Variants in ANO5 observed in about 807,000 individuals in gnomAD.
The protein encoded by ANO5 is anoctamin 5, also known as anoctamin-5.
ANO5 carries 109 observed loss-of-function variants against 121.0 expected under a neutral mutation model. That is an observed-to-expected ratio of 0.90 (90% CI 0.77 to 1.06). ANO5 has a LOEUF of 1.06. ANO5 is among the 50% of genes least tolerant of loss of function. The probability of loss-of-function intolerance (pLI) is 0.00; values close to 1 mark genes in which losing one functional copy is unlikely to be tolerated. For synonymous variants in ANO5, 406 were observed against 359.9 expected (o/e 1.13, Z -1.45); for missense variants, 1,064 against 1,078.5 (o/e 0.99, Z 0.19).
chr11:22,202,636 T>C (rs982880660), intron 1 of ANO5, among the ~76,000 whole-genome samples: 1 of 152,284 alleles, frequency 6.6e-6, no homozygotes, highest in Non-Finnish European at 1.5e-5. Flanking sequence ...TGTCTTCACA[T>C]GATGGAAGAG....
intron 11 of ANO5, 35 bp downstream of exon 11, chr11:22,250,881 G>A: frequency 6.2e-7 from 1 of 1,610,640 alleles, no homozygotes; most frequent in Non-Finnish European, 8.5e-7. Flanking sequence ...AAAAGACTTG[G>A]AATTTTCCTC....
At chr11:22,257,460 C>T (rs1854039818) in intron 13 of ANO5, among the ~76,000 whole-genome samples, 1 of 152,028 alleles carries the variant, frequency 6.6e-6, no homozygotes, top group South Asian at 2.1e-4. Flanking sequence ...TGTGTGTATC[C>T]ATTATGTTTC....
chr11:22,275,267 G>A (rs1227734713), intron 20 of ANO5, among the ~76,000 whole-genome samples: 2 of 151,536 alleles, frequency 1.3e-5, no homozygotes, highest in African/African-American at 2.4e-5. Context: ...TTTACACTCA[G>A]TGTATCATGT....
intron 2 of ANO5, among the ~76,000 whole-genome samples, chr11:22,204,887 C>G (rs1852063900): frequency 6.6e-6 from 1 of 151,964 alleles, no homozygotes; most frequent in Admixed American, 6.6e-5. Context: ...TTTTAAAGAC[C>G]CATGCATGTA....
intron 14 of ANO5, among the ~76,000 whole-genome samples, chr11:22,258,664 T>G (rs139507342): frequency 1.3e-5 from 2 of 152,344 alleles, no homozygotes; most frequent in East Asian, 3.9e-4. Flanking sequence ...TGAAATACAA[T>G]ATTGACATGT....
rs780789574 is a variant in ANO5 at position 22,239,577 on chromosome 11, T to C, written c.771T>C (p.Tyr257=). 3.1e-6 allele frequency: 5 copies of C among 1,611,350 alleles called. No homozygotes were observed. The highest frequency in any genetic ancestry group is 1.3e-5 in the African/African-American group (1 of 74,928). The change falls in exon 9 of 22, where the codon TAT becomes TAC. Residue 257 remains tyrosine, a synonymous_variant. Transcript: ENST00000324559. ...SSAYPLHDGQ[Y]WKPSEPPNPT... ...CTCTTGAATATCTGCAGGGCCAATA[T>C]TGGAAGCCATCAGAACCTCCCAATC...
chr11:22,258,211 G>A (rs1854067418), intron 14 of ANO5, among the ~76,000 whole-genome samples: 2 of 152,152 alleles, frequency 1.3e-5, no homozygotes, highest in Admixed American at 1.3e-4. Context: ...AGGTTAGTTA[G>A]CATGTTGAAA....
At chr11:22,256,356 C>G (rs1197504400) in intron 13 of ANO5, among the ~76,000 whole-genome samples, 1 of 152,186 alleles carries the variant, frequency 6.6e-6, no homozygotes. Context: ...ATTATTCTCG[C>G]AGTATAACAT....
chr11:22,226,290 A>T (rs1852829916), intron 6 of ANO5, among the ~76,000 whole-genome samples: 1 of 152,132 alleles, frequency 6.6e-6, no homozygotes, highest in Non-Finnish European at 1.5e-5. Context: ...CAGGATACAA[A>T]GAGAAAGAAG....
chr11:22,272,655 G>C lies in ANO5; in HGVS notation c.2030-129G>C. The C allele has an allele frequency of 4.7e-6, 4 of 852,702 alleles. No individual in the cohort carries two copies. The Admixed American group carries it at 8.2e-5, about 17-fold the overall frequency. 52.8% of individuals were successfully genotyped at this position (852,702 alleles called of 1,614,324 possible). ...GTGGTAGAGGAGGAACTGGACAGACGGATGGAAGCCTGGATTGTCGTATTC... is the reference window on the plus strand; with the variant it reads ...GTGGTAGAGGAGGAACTGGACAGACCGATGGAAGCCTGGATTGTCGTATTC... On this transcript the variant is annotated intron_variant, in intron 18 of 21. Transcript: ENST00000324559.
intron 17 of ANO5, among the ~76,000 whole-genome samples, chr11:22,269,483 GGAAAGAAAAAAGAAAAGGAA>G (rs1854520320): frequency 9.4e-5 from 1 of 10,592 alleles, no homozygotes; most frequent in East Asian, 1.0e-3. Context: ...AGAAAAGAAA[GGAAAGAAAAAAGAAAAGGAA>G]GGAAAGAAAA....
chr11:22,230,013 A>T (rs145153209), intron 7 of ANO5, among the ~76,000 whole-genome samples: 83 of 152,146 alleles, frequency 5.5e-4, no homozygotes, highest in African/African-American at 2.0e-3. Flanking sequence ...GAGCTTCACA[A>T]TATATAGTAA....
intron 8 of ANO5, among the ~76,000 whole-genome samples, chr11:22,238,039 T>G (rs1853285410): frequency 6.6e-6 from 1 of 152,198 alleles, no homozygotes; most frequent in African/African-American, 2.4e-5. Flanking sequence ...TGTGTGTGTA[T>G]GTGTTTACTG....
chr11:22,277,774 T>TAATC (rs1244043143), intron 21 of ANO5: 1 of 151,408 alleles, frequency 6.6e-6, no homozygotes, highest in Non-Finnish European at 1.5e-5. Flanking sequence ...TAATTTTTTG[T>TAATC]AATCATTGCA....
intron 1 of ANO5, among the ~76,000 whole-genome samples, chr11:22,201,380 C>A (rs1851958898): frequency 6.6e-6 from 1 of 152,134 alleles, no homozygotes; most frequent in Non-Finnish European, 1.5e-5. Flanking sequence ...AAAATTGAAA[C>A]CCTGACAAGT....
chr11:22,280,945 A>C lies in ANO5; in HGVS notation c.*1180A>C, dbSNP rs983311585. 5.9e-5 allele frequency: 9 copies of C among 152,044 alleles called. No homozygotes were observed. In the East Asian group the frequency reaches 1.7e-3, roughly 29 times the overall value. 9.4% of individuals were successfully genotyped at this position (152,044 alleles called of 1,614,324 possible). ...TTGAAAACCAAAAGTGAATCAACCA[A>C]CTAAGAATGAGTTCATGGACTTAAT... On this transcript the variant is annotated 3_prime_UTR_variant, in exon 22 of 22. Transcript: ENST00000324559.
chr11:22,279,401 G>A, intron 21 of ANO5, 143 bp from the exon 22 acceptor site: 1 of 682,670 alleles, frequency 1.5e-6, no homozygotes. Context: ...GAAAGTTCTA[G>A]GACAGAGACC....
At position 22,193,226 on chromosome 11, in the gene ANO5, C is replaced by G. The variant is rs1851701530; in HGVS notation, c.-267C>G. 11 of 1,345,874 alleles carry G rather than the reference C, an allele frequency of 8.2e-6. No individual in the cohort carries two copies. Among genetic ancestry groups the G allele is most frequent in the Non-Finnish European group, 1.1e-5 (11 of 1,042,354 alleles). 83.4% of individuals were successfully genotyped at this position (1,345,874 alleles called of 1,614,324 possible). A position where few individuals can be genotyped will look rare whatever the true frequency, so the allele number is the denominator to read the frequency against. On this transcript the variant is annotated 5_prime_UTR_variant, in exon 1 of 22. Coordinates refer to ENST00000324559, the MANE Select transcript of ANO5 (RefSeq NM_213599.3). ...GAGGGTGGGGAAGCGCAGGGCCAAG[C>G]GCGCGAAGCAGGTTGTGGGGGACCG...
rs199808833 is a variant in ANO5, at chr11:22,204,039, T to G, written c.87+189T>G. Among the ~76,000 whole-genome samples, 11 of 152,202 alleles carry G rather than the reference T, an allele frequency of 7.2e-5. No individual in the cohort carries two copies. The East Asian group carries it at 2.1e-3, about 29-fold the overall frequency. On this transcript the variant is annotated intron_variant, in intron 2 of 21. Coordinates refer to ENST00000324559, the MANE Select transcript of ANO5 (RefSeq NM_213599.3). ...TTAATATTGGATCTTTTCTAGATGT[T>G]ATAAGGGAACAAATAGATCTTTGAT...
Sources: allele counts gnomAD v4.1 joint callset (sites outside exome capture counted in the v4.1 genomes callset), GRCh38; gene constraint gnomAD v4.1.1; transcripts MANE v1.5; gene names NCBI Gene and HGNC (gene_info 2026-07-23, HGNC 2026-07-21).